NWD1: variants seen among roughly 807,000 people sequenced by gnomAD.
NWD1 encodes the protein NACHT and WD repeat domain containing 1, also known as NACHT domain- and WD repeat-containing protein 1.
In NWD1, 129 loss-of-function variants were observed where a neutral mutation model predicts 135.1. The ratio of observed to expected loss-of-function variants is 0.96; its 90% CI spans 0.83 to 1.11. The LOEUF is 1.11. NWD1 is among the 50% of genes least tolerant of loss of function. The pLI is 0.00. For synonymous variants in NWD1, 773 were observed against 786.0 expected, an observed-to-expected ratio of 0.98 and a Z score of 0.28; for missense variants, 1,740 against 1,851.3, an observed-to-expected ratio of 0.94 and a Z score of 1.10.
At chr19:16,722,234 GGCT>G (rs1450542637) in intron 1 of NWD1, among the ~76,000 whole-genome samples, 1 of 151,700 alleles carries the variant, frequency 6.6e-6, no homozygotes, top group Admixed American at 6.6e-5. Context: ...AGGAGATGGA[GGCT>G]GCAGTGAGCC....
chr19:16,732,313 A>G lies in NWD1; in HGVS notation c.81+1035A>G, dbSNP rs147010150. Among the ~76,000 whole-genome samples the G allele has an allele frequency of 1.3e-3, 194 of 151,754 alleles. 1 individual carries two copies. Among genetic ancestry groups the G allele is most frequent in the African/African-American group, 4.2e-3 (173 of 41,324 alleles). ...GGTGTAGAAAAGTGAGTAGGAGTGA[A>G]TGCTTTTGAACACAGATTCATCGCT... On this transcript the variant is annotated intron_variant, in intron 3 of 18. Coordinates refer to ENST00000524140, the MANE Select transcript of NWD1 (RefSeq NM_001007525.5).
chr19:16,726,670 C>T (rs532824145), intron 2 of NWD1, among the ~76,000 whole-genome samples: 12 of 152,266 alleles, frequency 7.9e-5, no homozygotes, highest in African/African-American at 2.6e-4. Context: ...AACTCCTAAC[C>T]TCAAGTGATC....
At chr19:16,728,802 G>T (rs1174192493) in intron 2 of NWD1, among the ~76,000 whole-genome samples, 1 of 151,656 alleles carries the variant, frequency 6.6e-6, no homozygotes. Context: ...AAATTAGCTA[G>T]GCGTGGTGGC....
At chr19:16,725,817 C>T (rs926935374) in intron 2 of NWD1, among the ~76,000 whole-genome samples, 4 of 151,076 alleles carry the variant, frequency 2.6e-5, no homozygotes, top group Non-Finnish European at 3.0e-5. Flanking sequence ...CCTCCCAAAG[C>T]GGTGGGATTA....
chr19:16,802,891 A>G (rs1025999265), intron 17 of NWD1, among the ~76,000 whole-genome samples: 2 of 149,970 alleles, frequency 1.3e-5, no homozygotes, highest in African/African-American at 2.5e-5. Flanking sequence ...TGGCAATTGC[A>G]GTGAGCCAAG....
In NWD1 at chr19:16,759,251, A is replaced by G; in HGVS notation, c.1796A>G (p.Lys599Arg). Residue 599 changes from lysine (K) to arginine (R), a missense_variant, in exon 7 of 19, where the codon AAG (lysine) becomes AGG (arginine). Physicochemically the swap from Lys to Arg is conservative, Grantham distance 26. Coordinates refer to ENST00000524140, the MANE Select transcript of NWD1 (RefSeq NM_001007525.5). Reference sequence around the variant, plus strand: ...CACGGTCTCTCGGAGGCGGAGCTGAAGGATGTTTTGTCCCTGGACGACGAG... The same window carrying G: ...CACGGTCTCTCGGAGGCGGAGCTGAGGGATGTTTTGTCCCTGGACGACGAG... The part of the protein sequence containing the change: ...SRHGLSEAEL[K>R]DVLSLDDEVL... 6.2e-7 allele frequency: 1 copy of G among 1,614,004 alleles called. No homozygotes were observed. The highest frequency in any genetic ancestry group is 1.1e-5 in the South Asian group (1 of 91,068).
chr19:16,786,135 G>A (rs1026290759), intron 12 of NWD1, among the ~76,000 whole-genome samples: 5 of 151,830 alleles, frequency 3.3e-5, no homozygotes, highest in African/African-American at 4.8e-5. Context: ...AAAGTGTTGG[G>A]TTTACAGGCG....
intron 18 of NWD1, chr19:16,812,951 T>C: frequency 1.4e-6 from 1 of 738,348 alleles, no homozygotes; most frequent in East Asian, 2.5e-5. Flanking sequence ...TGGCCACCTC[T>C]AGCTGCATCC....
rs372134481 is a variant in NWD1 at position 16,815,414 on chromosome 19, G to A, written c.*375G>A. On this transcript the variant is annotated 3_prime_UTR_variant, in exon 19 of 19. Transcript: ENST00000524140. The stretch of plus-strand genomic sequence containing the variant: ...AATCTAGTTAAAGCAAAAAGAATAC[G>A]TTTGCTGGTGTATATCTGGACCCAT... The A allele has an allele frequency of 1.0e-4, 63 of 621,866 alleles. No homozygotes were observed. The highest frequency in any genetic ancestry group is 1.8e-4 in the South Asian group (9 of 50,098). The allele number at this position is 621,866 out of a possible 1,614,324, so 38.5% of individuals were successfully genotyped here. A position where few individuals can be genotyped will look rare whatever the true frequency, so the allele number is the denominator to read the frequency against.
chr19:16,721,219 G>A (rs1412754954), intron 1 of NWD1, among the ~76,000 whole-genome samples: 1 of 151,966 alleles, frequency 6.6e-6, no homozygotes, highest in Non-Finnish European at 1.5e-5. Context: ...TCTAGTGGGT[G>A]GGGGCCGGAA....
In NWD1 at chr19:16,784,072, G is replaced by A. The variant is rs1599526547; in HGVS notation, c.2731+4607G>A. Among the ~76,000 whole-genome samples, 3 of 152,090 alleles carry A rather than the reference G, an allele frequency of 2.0e-5. No homozygotes were observed. The East Asian group carries it at 5.8e-4, about 29-fold the overall frequency. Reference sequence around the variant, plus strand: ...GTATAAAAATTAGCTGGGCGTGGTGGTGCACACCTGTAGTCCTAGCTACTT... The same window carrying A: ...GTATAAAAATTAGCTGGGCGTGGTGATGCACACCTGTAGTCCTAGCTACTT... On this transcript the variant is annotated intron_variant, in intron 12 of 18. Transcript: ENST00000524140.
chr19:16,722,310 A>G (rs115700185), intron 1 of NWD1, among the ~76,000 whole-genome samples: 1,607 of 145,724 alleles, frequency 0.011, 31 homozygotes, highest in African/African-American at 0.039. Flanking sequence ...TTTTTTTTTG[A>G]GACGGTCTTG....
chr19:16,745,494 C>T (rs919679849), intron 5 of NWD1, among the ~76,000 whole-genome samples: 2 of 150,152 alleles, frequency 1.3e-5, no homozygotes, highest in African/African-American at 2.5e-5. Flanking sequence ...TTTGGAAGGC[C>T]GAGGCAGGAG....
chr19:16,750,500 GCT>G, intron 6 of NWD1, 89 bp downstream of exon 6: 1 of 1,052,546 alleles, frequency 9.5e-7, no homozygotes, highest in African/African-American at 1.6e-5. Context: ...TGTCACCCAG[GCT>G]GGAGTGCAGT....
chr19:16,796,953 C>T (rs542757359), intron 15 of NWD1, among the ~76,000 whole-genome samples: 61 of 152,172 alleles, frequency 4.0e-4, no homozygotes, highest in South Asian at 8.3e-4. Context: ...CCGAGGTGGG[C>T]GGATCACTTG....
chr19:16,775,309 A>T (rs1332656691), intron 11 of NWD1, among the ~76,000 whole-genome samples: 1 of 151,916 alleles, frequency 6.6e-6, no homozygotes, highest in Non-Finnish European at 1.5e-5. Flanking sequence ...GTAAAAAAAA[A>T]TGGCCAAAAT....
intron 6 of NWD1, among the ~76,000 whole-genome samples, chr19:16,755,174 A>G (rs549107994): frequency 6.6e-6 from 1 of 151,782 alleles, no homozygotes; most frequent in South Asian, 2.1e-4. Flanking sequence ...CTATCTCTCT[A>G]TTTCTCATCT....
intron 6 of NWD1, among the ~76,000 whole-genome samples, chr19:16,752,700 TAA>T (rs1568353860): frequency 1.3e-5 from 2 of 151,894 alleles, no homozygotes; most frequent in Non-Finnish European, 2.9e-5. Flanking sequence ...TTACACTCTA[TAA>T]GAGTACAAAT....
chr19:16,789,114 A>G lies in NWD1; in HGVS notation c.2864A>G (p.Asn955Ser), dbSNP rs747814937. 11 of 1,613,888 alleles carry G rather than the reference A, an allele frequency of 6.8e-6. No individual in the cohort carries two copies. Among genetic ancestry groups the G allele is most frequent in the South Asian group, 1.1e-5 (1 of 91,076 alleles). ...KFTIWDGGSK[N>S]PAEPQIWNLH... ...ACCATTTGGGATGGAGGCTCAAAAA[A>G]TCCCGCTGAACCTCAGATCTGGAAC... Residue 955 changes from asparagine (N) to serine (S), a missense_variant, in exon 13 of 19, where the codon AAT (asparagine) becomes AGT (serine). By Grantham distance (46) the Asn-to-Ser change is conservative. Coordinates refer to ENST00000524140, the MANE Select transcript of NWD1 (RefSeq NM_001007525.5).
Sources: allele counts gnomAD v4.1 joint callset (sites outside exome capture counted in the v4.1 genomes callset), GRCh38; gene constraint gnomAD v4.1.1; transcripts MANE v1.5; gene names NCBI Gene and HGNC (gene_info 2026-07-23, HGNC 2026-07-21).